Variants in CFI observed in about 807,000 individuals in gnomAD.
CFI encodes the protein complement factor I, also known as C3B/C4B inactivator.
In CFI, 66 loss-of-function variants were observed where a neutral mutation model predicts 78.8. The ratio of observed to expected loss-of-function variants is 0.84; its 90% confidence interval spans 0.69 to 1.03. The LOEUF (loss-of-function observed/expected upper bound fraction) is 1.03. Among genes scored for constraint, CFI ranks in the 50% least tolerant of loss-of-function variants. The probability of loss-of-function intolerance (pLI) is 0.00; values close to 1 mark genes in which losing one functional copy is unlikely to be tolerated. For missense variants in CFI, 706 were observed against 704.5 expected, an observed-to-expected ratio of 1.00 and a Z score of -0.02; for synonymous variants, 250 against 232.6, an observed-to-expected ratio of 1.07 and a Z score of -0.68.
intron 1 of CFI, among the ~76,000 whole-genome samples, chr4:109,790,478 T>G (rs1004543847): frequency 7.2e-5 from 11 of 152,102 alleles, no homozygotes; most frequent in African/African-American, 2.7e-4. Context: ...TTGTGCAGGT[T>G]TGTTATGTAG....
intron 1 of CFI, among the ~76,000 whole-genome samples, chr4:109,791,729 T>C (rs78777920): frequency 6.6e-6 from 1 of 152,194 alleles, no homozygotes; most frequent in African/African-American, 2.4e-5. Context: ...TTTGTCAGAT[T>C]TGTAGAAGAT....
intron 7 of CFI, among the ~76,000 whole-genome samples, chr4:109,756,965 GA>G (rs1237928483): frequency 7.5e-6 from 1 of 133,760 alleles, no homozygotes; most frequent in African/African-American, 2.7e-5. Context: ...AAGAAAGAAA[GA>G]AAGAAAGAAA....
downstream of CFI, among the ~76,000 whole-genome samples, chr4:109,735,894 C>A (rs1257500877): frequency 6.6e-6 from 1 of 152,236 alleles, no homozygotes; most frequent in East Asian, 1.9e-4. Context: ...AGCAAGGATA[C>A]AGAGGCAGAG....
At chr4:109,772,823 A>G (rs80198023) in intron 1 of CFI, among the ~76,000 whole-genome samples, 10,160 of 152,044 alleles carry the variant, frequency 0.067, 646 homozygotes, top group East Asian at 0.18. Context: ...GCCTTAAACA[A>G]TCCTCCCATC....
chr4:109,775,803 G>A (rs539132264), intron 1 of CFI, among the ~76,000 whole-genome samples: 1 of 152,076 alleles, frequency 6.6e-6, no homozygotes, highest in Non-Finnish European at 1.5e-5. Context: ...GAAGCTTCCA[G>A]AGGAAGCAAC....
At chr4:109,778,823 T>G (rs544265529) in intron 1 of CFI, among the ~76,000 whole-genome samples, 17 of 152,184 alleles carry the variant, frequency 1.1e-4, no homozygotes, top group South Asian at 1.0e-3. Flanking sequence ...AAGGCTGGTT[T>G]AACATATGCA....
the CFI span, among the ~76,000 whole-genome samples, chr4:109,733,361 A>G: frequency 1.3e-5 from 2 of 152,240 alleles, no homozygotes; most frequent in Non-Finnish European, 2.9e-5. Context: ...TTTACAGGAC[A>G]CTTTCATCTA....
intron 1 of CFI, among the ~76,000 whole-genome samples, chr4:109,799,484 G>A (rs1367513956): frequency 1.3e-5 from 2 of 152,158 alleles, no homozygotes; most frequent in Non-Finnish European, 2.9e-5. Flanking sequence ...CTGCACCAGA[G>A]TTAGGAGAAT....
intron 1 of CFI, among the ~76,000 whole-genome samples, chr4:109,780,135 A>T (rs1290543937): frequency 6.6e-6 from 1 of 152,208 alleles, no homozygotes; most frequent in Non-Finnish European, 1.5e-5. Context: ...CAAAAGCCAA[A>T]ATTGACAAAT....
Position 109,779,924 on chromosome 4 carries a change from C to A in CFI, c.58-13100G>T, listed in dbSNP as rs181971416. On this transcript the variant is annotated intron_variant, in intron 1 of 12. Coordinates refer to ENST00000394634, the MANE Select transcript of CFI (RefSeq NM_000204.5). ...AAATGGTGCTGGGAAAACTGGCTAG[C>A]CATAAGTAGAAAGCTGAAACTGGAT... is the stretch of plus-strand genomic sequence containing the variant. Among the ~76,000 whole-genome samples the A allele has an allele frequency of 6.4e-3, 972 of 152,066 alleles. 8 individuals are homozygous for A. Among genetic ancestry groups the A allele is most frequent in the Admixed American group, 0.011 (173 of 15,284 alleles).
intron 1 of CFI, among the ~76,000 whole-genome samples, chr4:109,782,108 G>A (rs1003877183): frequency 1.4e-4 from 22 of 152,204 alleles, no homozygotes; most frequent in African/African-American, 5.1e-4. Flanking sequence ...ACAAGACAAG[G>A]ATGCCCACTC....
intron 8 of CFI, among the ~76,000 whole-genome samples, chr4:109,750,288 G>A (rs894183652): frequency 1.3e-5 from 2 of 151,986 alleles, no homozygotes; most frequent in African/African-American, 2.4e-5. Flanking sequence ...GAACCACCAC[G>A]CCCAGCCATA....
intron 1 of CFI, among the ~76,000 whole-genome samples, chr4:109,800,293 C>CATAATTACTAATTACAATTACTA (rs70954183): frequency 0.028 from 3,882 of 140,296 alleles, 131 homozygotes; most frequent in Admixed American, 0.096. Context: ...GGTAGGTAAT[C>CATAATTACTAATTACAATTACTA]ATGTTGACTG....
chr4:109,769,869 C>T (rs1728340425), intron 1 of CFI, among the ~76,000 whole-genome samples: 1 of 152,156 alleles, frequency 6.6e-6, no homozygotes, highest in Admixed American at 6.5e-5. Context: ...TTTATCTCTG[C>T]CACCAGGCAC....
chr4:109,774,471 T>TG (rs1728971091), intron 1 of CFI, among the ~76,000 whole-genome samples: 1 of 152,132 alleles, frequency 6.6e-6, no homozygotes, highest in Admixed American at 6.6e-5. Flanking sequence ...GCAAGAGCTC[T>TG]GGGGAAGTGT....
intron 1 of CFI, among the ~76,000 whole-genome samples, chr4:109,767,398 T>C (rs1230015067): frequency 2.6e-5 from 4 of 151,232 alleles, no homozygotes; most frequent in Admixed American, 6.6e-5. Flanking sequence ...AAAGGGCTAA[T>C]ATCCAGAATC....
At chr4:109,779,472 C>T (rs575748449) in intron 1 of CFI, among the ~76,000 whole-genome samples, 18 of 151,998 alleles carry the variant, frequency 1.2e-4, no homozygotes, top group South Asian at 2.1e-4. Flanking sequence ...CACTGCTCAA[C>T]GAAATAAAAG....
At chr4:109,801,627 A>C (rs1167727621) in intron 1 of CFI, among the ~76,000 whole-genome samples, 1 of 152,182 alleles carries the variant, frequency 6.6e-6, no homozygotes, top group Non-Finnish European at 1.5e-5. Flanking sequence ...GAGCCTGGTA[A>C]ATATTTTTGA....
intron 7 of CFI, among the ~76,000 whole-genome samples, chr4:109,756,941 G>GAAAGAAAGAAAGAAAGAAAGAAAGAA (rs1726334240): frequency 6.8e-6 from 1 of 147,938 alleles, no homozygotes; most frequent in African/African-American, 2.5e-5. Context: ...AAGAAAGAAA[G>GAAAGAAAGAAAGAAAGAAAGAAAGAA]AAAGAAAGAA....
Sources: gnomAD v4.1 joint callset for allele counts (sites outside exome capture counted in the v4.1 genomes callset) on GRCh38, gnomAD v4.1.1 for gene constraint, MANE v1.5 for transcripts, NCBI Gene and HGNC (gene_info 2026-07-23, HGNC 2026-07-21) for gene names.